The following ABCC6 variants were observed in gnomAD, a reference collection of about 807,000 sequenced individuals.
ABCC6 encodes ATP binding cassette subfamily C member 6, also known as ATP-binding cassette sub-family C member 6.
ABCC6 carries 126 observed loss-of-function variants against 169.5 expected under a neutral mutation model. That is an observed-to-expected ratio of 0.74 (90% CI 0.64 to 0.86). The LOEUF is 0.86. Among genes scored for constraint, ABCC6 ranks in the 40% least tolerant of loss-of-function variants. The pLI, the probability that ABCC6 is intolerant of heterozygous loss-of-function variation, is 0.00. For missense variants in ABCC6, 1,733 were observed against 1,927.2 expected (o/e 0.90, Z 1.89); for synonymous variants, 752 against 814.7 (o/e 0.92, Z 1.31).
chr16:16,191,736 T>G (rs1402913181), intron 11 of ABCC6, among the ~76,000 whole-genome samples: 1 of 149,116 alleles, frequency 6.7e-6, no homozygotes, highest in Non-Finnish European at 1.5e-5. Flanking sequence ...CTTCCCTCTG[T>G]CCTTCCTCCC....
At chr16:16,203,386 G>A (rs760167633) in intron 8 of ABCC6, 24 bp downstream of exon 8, 5 of 1,613,868 alleles carry the variant, frequency 3.1e-6, no homozygotes, top group East Asian at 4.5e-5. Context: ...CACCTTAGCA[G>A]GGCACTTGAG....
intron 19 of ABCC6, among the ~76,000 whole-genome samples, chr16:16,177,124 T>C (rs1040876944): frequency 6.6e-6 from 1 of 152,236 alleles, no homozygotes; most frequent in Admixed American, 6.5e-5. Context: ...CTTGTGACCT[T>C]GGGCAAGTGA....
chr16:16,176,613 C>A (rs1267800791), intron 19 of ABCC6, among the ~76,000 whole-genome samples: 1 of 152,232 alleles, frequency 6.6e-6, no homozygotes, highest in African/African-American at 2.4e-5. Flanking sequence ...TGGGCCAGTG[C>A]TAAGCAGATG....
chr16:16,169,563 C>T (rs1426203716), intron 22 of ABCC6, 83 bp downstream of exon 22: 2 of 1,508,738 alleles, frequency 1.3e-6, no homozygotes, highest in Non-Finnish European at 9.1e-7. Context: ...CAGGGTGACC[C>T]AGGGAGGGGT....
At chr16:16,196,852 C>T (rs889062067) in intron 10 of ABCC6, among the ~76,000 whole-genome samples, 2 of 152,100 alleles carry the variant, frequency 1.3e-5, no homozygotes, top group Non-Finnish European at 2.9e-5. Flanking sequence ...TAGGCACCCA[C>T]CACTATGCCC....
At chr16:16,203,050 A>T (rs2048293658) in intron 8 of ABCC6, among the ~76,000 whole-genome samples, 1 of 152,230 alleles carries the variant, frequency 6.6e-6, no homozygotes, top group Non-Finnish European at 1.5e-5. Flanking sequence ...CTGCAGGCAC[A>T]TGAGAAAACC....
chr16:16,186,749 G>C (rs932911720), intron 14 of ABCC6, among the ~76,000 whole-genome samples: 2 of 151,404 alleles, frequency 1.3e-5, no homozygotes, highest in Non-Finnish European at 2.9e-5. Flanking sequence ...AATAATAAAG[G>C]GCACAATAAA....
At chr16:16,169,109 A>G (rs1190486662) in intron 22 of ABCC6, among the ~76,000 whole-genome samples, 1 of 152,108 alleles carries the variant, frequency 6.6e-6, no homozygotes, top group African/African-American at 2.4e-5. Flanking sequence ...AAATAAATAA[A>G]TAAATAATTG....
intron 11 of ABCC6, 27 bp downstream of exon 11, chr16:16,192,803 G>A: frequency 6.3e-7 from 1 of 1,594,548 alleles, no homozygotes. Context: ...CTTCCTGCCT[G>A]GTCCGTCCCT....
chr16:16,200,660 G>A (rs1306360160), intron 9 of ABCC6, among the ~76,000 whole-genome samples: 1 of 142,802 alleles, frequency 7.0e-6, no homozygotes, highest in African/African-American at 2.5e-5. Context: ...ACTCTGGCAG[G>A]AAAGCATCAA....
At chr16:16,150,909 G>A in intron 29 of ABCC6, 137 bp from the exon 30 acceptor site, 1 of 1,499,394 alleles carries the variant, frequency 6.7e-7, no homozygotes, top group African/African-American at 1.4e-5. Context: ...CATGGGGTCT[G>A]GGGTCTGTGG....
At chr16:16,152,192 C>CA (rs61339757) in intron 29 of ABCC6, among the ~76,000 whole-genome samples, 12,990 of 40,188 alleles carry the variant, frequency 0.32, 2,666 homozygotes, top group East Asian at 0.4. Context: ...GACTCTGTCT[C>CA]AAAAAAAAAA....
At chr16:16,195,400 C>T (rs1596694521) in intron 10 of ABCC6, among the ~76,000 whole-genome samples, 1 of 150,586 alleles carries the variant, frequency 6.6e-6, no homozygotes, top group Non-Finnish European at 1.5e-5. Flanking sequence ...GCAACCTCCA[C>T]CTCCCGGGTT....
At chr16:16,213,082 ATT>A (rs55813185) in intron 5 of ABCC6, among the ~76,000 whole-genome samples, 326 of 138,708 alleles carry the variant, frequency 2.4e-3, no homozygotes, top group Non-Finnish European at 3.2e-3. Flanking sequence ...CCTTCGAGCA[ATT>A]TTTTTTTTTT....
intron 30 of ABCC6, 148 bp downstream of exon 30, chr16:16,150,430 G>T: frequency 2.0e-6 from 3 of 1,495,272 alleles, no homozygotes; most frequent in African/African-American, 1.4e-5. Flanking sequence ...TTCCCACTTG[G>T]CATGTGTTCC....
At chr16:16,187,312 C>T in intron 13 of ABCC6, 101 bp from the exon 14 acceptor site, 1 of 946,906 alleles carries the variant, frequency 1.1e-6, no homozygotes, top group South Asian at 1.4e-5. Context: ...TCCTGTCTAC[C>T]AAGCTCTGTG....
chr16:16,190,473 C>T (rs760408007), intron 11 of ABCC6, 106 bp from the exon 12 acceptor site: 35 of 1,255,308 alleles, frequency 2.8e-5, no homozygotes, highest in Middle Eastern at 2.4e-4. Flanking sequence ...CACCAAACTG[C>T]GTCCCAAACC....
At chr16:16,156,942 C>CAAAAA (rs33984541) in intron 27 of ABCC6, among the ~76,000 whole-genome samples, 1 of 101,154 alleles carries the variant, frequency 9.9e-6, no homozygotes, top group East Asian at 2.8e-4. Flanking sequence ...GACTCTGTCT[C>CAAAAA]AAAAAAAAAA....
intron 9 of ABCC6, among the ~76,000 whole-genome samples, chr16:16,198,921 G>C (rs1162660076): frequency 1.3e-5 from 2 of 151,920 alleles, no homozygotes; most frequent in Non-Finnish European, 2.9e-5. Context: ...TTAAACCCAG[G>C]AGGCAGAGGT....
Sources: gnomAD v4.1 joint callset for allele counts (sites outside exome capture counted in the v4.1 genomes callset) on GRCh38, gnomAD v4.1.1 for gene constraint, MANE v1.5 for transcripts, NCBI Gene and HGNC (gene_info 2026-07-23, HGNC 2026-07-21) for gene names.